CCSER1: variants seen among roughly 807,000 people sequenced by gnomAD.
The protein encoded by CCSER1 is serine-rich coiled-coil domain-containing protein 1.
In CCSER1, 41 loss-of-function variants were observed where a neutral mutation model predicts 82.0. The ratio of observed to expected loss-of-function variants is 0.50; its 90% confidence interval spans 0.39 to 0.65. The LOEUF is 0.65. Among genes scored for constraint, CCSER1 ranks in the 30% least tolerant of loss-of-function variants. The pLI, the probability that CCSER1 is intolerant of heterozygous loss-of-function variation, is 0.00. For missense variants in CCSER1, 1,119 were observed against 1,064.2 expected (o/e 1.05, Z -0.72); for synonymous variants, 414 against 383.9 (o/e 1.08, Z -0.92).
intron 10 of CCSER1, among the ~76,000 whole-genome samples, chr4:91,276,405 A>G (rs1381720468): frequency 7.5e-5 from 11 of 145,994 alleles, no homozygotes; most frequent in African/African-American, 2.8e-4. Flanking sequence ...TTTTGTAGCT[A>G]TTGAAAAATG....
chr4:91,357,884 C>CCA (rs1748959015), intron 10 of CCSER1, among the ~76,000 whole-genome samples: 1 of 73,676 alleles, frequency 1.4e-5, no homozygotes, highest in Middle Eastern at 6.8e-3. Context: ...CTGCCCCCCC[C>CCA]CCCTTTTTTT....
At chr4:91,077,205 G>A (rs1050579408) in intron 9 of CCSER1, among the ~76,000 whole-genome samples, 4 of 152,002 alleles carry the variant, frequency 2.6e-5, no homozygotes, top group Non-Finnish European at 4.4e-5. Context: ...GAGCACAGAG[G>A]GACCAAGCCT....
chr4:91,502,615 T>C lies in CCSER1; in HGVS notation c.2218-95957T>C, dbSNP rs1051156889. Among the ~76,000 whole-genome samples, 7 of 152,324 alleles carry C rather than the reference T, an allele frequency of 4.6e-5. No individual in the cohort carries two copies. The East Asian group carries it at 1.4e-3, about 29-fold the overall frequency. ...AGACCTCTTCTAACTGCAGCAGGTC[T>C]CATTTGCCAATTATTCATCATTAAG... On this transcript the variant is annotated intron_variant, in intron 10 of 10. Coordinates refer to ENST00000509176, the MANE Select transcript of CCSER1 (RefSeq NM_001145065.2).
chr4:90,606,549 T>C (rs112453975), intron 5 of CCSER1, among the ~76,000 whole-genome samples: 2,697 of 152,290 alleles, frequency 0.018, 76 homozygotes, highest in African/African-American at 0.062. Context: ...TGACGTGATA[T>C]AGAGTTCATA....
intron 10 of CCSER1, among the ~76,000 whole-genome samples, chr4:91,556,791 A>G (rs551758855): frequency 1.7e-4 from 25 of 151,104 alleles, no homozygotes; most frequent in Middle Eastern, 3.4e-3. Flanking sequence ...AATTGGTGTA[A>G]ATGCATTATA....
At chr4:91,334,171 T>C (rs770405119) in intron 10 of CCSER1, among the ~76,000 whole-genome samples, 1 of 152,244 alleles carries the variant, frequency 6.6e-6, no homozygotes, top group East Asian at 1.9e-4. Context: ...AATTATGTGA[T>C]AATAGCGACA....
rs189841861 is a variant in CCSER1, at chr4:90,409,327, G to A, written c.1603+9198G>A. Among the ~76,000 whole-genome samples the A allele has an allele frequency of 2.9e-4, 44 of 152,248 alleles. 1 individual carries two copies. In the East Asian group the frequency reaches 8.5e-3, roughly 30 times the overall value. ...AAGAGCAACTCCAAGAAACATAATT[G>A]TCAGATTCACCAAAGTGGAAATGAA... On this transcript the variant is annotated intron_variant, in intron 4 of 10. Coordinates refer to ENST00000509176, the MANE Select transcript of CCSER1 (RefSeq NM_001145065.2).
At chr4:90,509,185 G>A (rs557966748) in intron 5 of CCSER1, among the ~76,000 whole-genome samples, 15 of 151,986 alleles carry the variant, frequency 9.9e-5, no homozygotes, top group East Asian at 1.9e-4. Context: ...CAAAAAGAGC[G>A]TTTTTTATAG....
At chr4:90,482,157 G>C (rs578209596) in intron 5 of CCSER1, among the ~76,000 whole-genome samples, 1 of 152,256 alleles carries the variant, frequency 6.6e-6, no homozygotes, top group African/African-American at 2.4e-5. Flanking sequence ...GTTTATTTGT[G>C]TAGAGGTGTT....
intron 9 of CCSER1, among the ~76,000 whole-genome samples, chr4:91,054,757 T>C (rs2148718198): frequency 6.6e-6 from 1 of 152,184 alleles, no homozygotes; most frequent in East Asian, 1.9e-4. Flanking sequence ...GTTTGCATTG[T>C]ATTTACTAAT....
At chr4:90,251,299 AT>A (rs912337384) in intron 1 of CCSER1, among the ~76,000 whole-genome samples, 3 of 151,758 alleles carry the variant, frequency 2.0e-5, no homozygotes, top group African/African-American at 7.3e-5. Flanking sequence ...GAACAGTCTT[AT>A]TTTTTTCTAA....
intron 3 of CCSER1, among the ~76,000 whole-genome samples, chr4:90,383,431 A>G (rs577137983): frequency 1.3e-5 from 2 of 152,178 alleles, no homozygotes; most frequent in Non-Finnish European, 2.9e-5. Context: ...AGAAAATAGT[A>G]AAAATGGTAG....
intron 3 of CCSER1, among the ~76,000 whole-genome samples, chr4:90,349,438 G>A (rs369419741): frequency 1.3e-5 from 2 of 152,120 alleles, no homozygotes; most frequent in African/African-American, 2.4e-5. Context: ...GAAACGTGGT[G>A]GCATACAATT....
chr4:91,207,303 C>T (rs1736427479), intron 10 of CCSER1, among the ~76,000 whole-genome samples: 1 of 151,638 alleles, frequency 6.6e-6, no homozygotes, highest in South Asian at 2.1e-4. Context: ...TTTCATCACC[C>T]AGGCATTAAG....
chr4:90,966,793 A>C (rs1265191958), intron 9 of CCSER1, among the ~76,000 whole-genome samples: 2 of 152,140 alleles, frequency 1.3e-5, no homozygotes, highest in Non-Finnish European at 2.9e-5. Flanking sequence ...ATGGGTCAAT[A>C]GGCTTAATAT....
intron 5 of CCSER1, among the ~76,000 whole-genome samples, chr4:90,508,678 G>T (rs1771054848): frequency 1.3e-5 from 2 of 152,026 alleles, no homozygotes; most frequent in Admixed American, 1.3e-4. Flanking sequence ...CCTCCTTCAT[G>T]AATTAGTTCC....
At chr4:90,707,806 G>A (rs1560987914) in intron 6 of CCSER1, among the ~76,000 whole-genome samples, 2 of 152,072 alleles carry the variant, frequency 1.3e-5, no homozygotes, top group Non-Finnish European at 1.5e-5. Context: ...CATGCTAGAA[G>A]CCACCTACCT....
rs138229289 is a variant in CCSER1, at chr4:90,145,117, T to C, written c.-42+17286T>C. Among the ~76,000 whole-genome samples the C allele has an allele frequency of 9.4e-4, 143 of 152,276 alleles. 2 individuals carry two copies. Among genetic ancestry groups the C allele is most frequent in the African/African-American group, 3.3e-3 (138 of 41,580 alleles). On this transcript the variant is annotated intron_variant, in intron 1 of 10. Transcript: ENST00000509176. ...AAAGAATCTATTTCTCTTTGCTTTA[T>C]AGATGACATTTGAAATGCTAATTCT...
At chr4:90,278,415 T>C (rs1456458200) in intron 1 of CCSER1, among the ~76,000 whole-genome samples, 2 of 151,718 alleles carry the variant, frequency 1.3e-5, no homozygotes, top group African/African-American at 2.4e-5. Context: ...ACAAAAAACA[T>C]AGAATCATCC....
Sources: gnomAD v4.1 joint callset for allele counts (sites outside exome capture counted in the v4.1 genomes callset) on GRCh38, gnomAD v4.1.1 for gene constraint, MANE v1.5 for transcripts, NCBI Gene and HGNC (gene_info 2026-07-23, HGNC 2026-07-21) for gene names.